Variants in A2ML1 observed in about 807,000 individuals in gnomAD.
A2ML1 encodes alpha-2-macroglobulin-like protein 1.
Under a neutral mutation model 181.9 loss-of-function variants are expected in A2ML1, and 161 were observed. That is an observed-to-expected ratio of 0.89 (90% CI 0.78 to 1.01). A2ML1 has a LOEUF of 1.01. Ranked by LOEUF, A2ML1 falls within the 50% of genes least tolerant of loss-of-function variation. A2ML1 has a pLI of 0.00. For missense variants in A2ML1, 1,670 were observed against 1,768.1 expected (o/e 0.94, Z 1.00); for synonymous variants, 663 against 666.8 (o/e 0.99, Z 0.09).
intron 4 of A2ML1, 57 bp from the exon 5 acceptor site, chr12:8,834,605 C>G: frequency 6.3e-7 from 1 of 1,599,838 alleles, no homozygotes; most frequent in East Asian, 2.2e-5. Context: ...TTTCAGCAAA[C>G]TTATTCTTAT....
At chr12:8,857,806 G>C in intron 25 of A2ML1, 140 bp from the exon 26 acceptor site, 1 of 1,275,770 alleles carries the variant, frequency 7.8e-7, no homozygotes, top group Non-Finnish European at 1.1e-6. Context: ...GCCCATTAAT[G>C]CCTCTCTTTT....
At chr12:8,843,513 G>T in intron 12 of A2ML1, 152 bp downstream of exon 12, 1 of 641,490 alleles carries the variant, frequency 1.6e-6, no homozygotes, top group Non-Finnish European at 2.5e-6. Context: ...TAAAAGAACA[G>T]TTGACATTAA....
Position 8,861,118 on chromosome 12 carries a change from TC to T in A2ML1, c.3340-16del. On this transcript the variant is annotated splice_polypyrimidine_tract_variant and intron_variant, in intron 27 of 35. Transcript: ENST00000299698. ...AGGAATGCCTTATAAGTTATAGTCTTCATCTTCACTTTTTAGGACCCAATGG... is the reference window on the plus strand; with the variant it reads ...AGGAATGCCTTATAAGTTATAGTCTTATCTTCACTTTTTAGGACCCAATGG... The T allele has an allele frequency of 6.2e-7, 1 of 1,613,980 alleles. No individual in the cohort carries two copies. The highest frequency in any genetic ancestry group is 8.5e-7 in the Non-Finnish European group (1 of 1,179,898).
At chr12:8,838,974 G>T in intron 9 of A2ML1, 139 bp from the exon 10 acceptor site, 1 of 547,508 alleles carries the variant, frequency 1.8e-6, no homozygotes, top group Admixed American at 3.6e-5. Flanking sequence ...GATTGGGGAG[G>T]TGAGGTTGGT....
chr12:8,834,719 G>C, intron 5 of A2ML1, 37 bp downstream of exon 5: 1 of 1,612,842 alleles, frequency 6.2e-7, no homozygotes, highest in East Asian at 2.2e-5. Context: ...TGTCAGTTGT[G>C]GAAGAGGAAG....
chr12:8,845,173 T>C (rs1166392525), intron 12 of A2ML1: 7 of 1,525,226 alleles, frequency 4.6e-6, no homozygotes, highest in Non-Finnish European at 6.1e-6. Flanking sequence ...CAGTTATCTA[T>C]GGTGAGGAAC....
At chr12:8,836,459 A>C in intron 7 of A2ML1, 120 bp downstream of exon 7, 1 of 707,262 alleles carries the variant, frequency 1.4e-6, no homozygotes, top group Admixed American at 2.6e-5. Flanking sequence ...TATGTAATTC[A>C]GAGTCATGGC....
intron 7 of A2ML1, 142 bp downstream of exon 7, chr12:8,836,481 CTTT>C (rs751110394): frequency 0.036 from 13,714 of 382,482 alleles, no homozygotes; most frequent in Middle Eastern, 0.046. Flanking sequence ...TATCCAAGAC[CTTT>C]TTTTTTTTTT....
intron 7 of A2ML1, among the ~76,000 whole-genome samples, chr12:8,884,257 A>T (rs1296026326): frequency 1.6e-4 from 19 of 116,128 alleles, no homozygotes; most frequent in South Asian, 5.6e-4. Context: ...TTTTTTTTTA[A>T]CTATTTTCCT....
intron 3 of A2ML1, among the ~76,000 whole-genome samples, chr12:8,825,552 CTT>C (rs1014596655): frequency 6.6e-6 from 1 of 151,954 alleles, no homozygotes; most frequent in Non-Finnish European, 1.5e-5. Context: ...TGGGTTGTCT[CTT>C]TGTTGATTGT....
chr12:8,842,434 T>C (rs965152343), intron 11 of A2ML1, among the ~76,000 whole-genome samples: 17 of 152,180 alleles, frequency 1.1e-4, no homozygotes, highest in African/African-American at 2.2e-4. Context: ...TTAGCCAGGA[T>C]GGTCTCGATC....
intron 28 of A2ML1, among the ~76,000 whole-genome samples, chr12:8,862,264 G>A (rs1426076959): frequency 1.3e-5 from 2 of 151,892 alleles, no homozygotes; most frequent in Admixed American, 6.6e-5. Context: ...GTGCAGTGGT[G>A]CAATCTTGGC....
intron 3 of A2ML1, among the ~76,000 whole-genome samples, chr12:8,825,460 T>G (rs1942900184): frequency 6.6e-6 from 1 of 152,214 alleles, no homozygotes; most frequent in African/African-American, 2.4e-5. Context: ...TGTTTTCCTA[T>G]ACAGCTGTCT....
rs760234806 is a variant in A2ML1 at position 8,841,356 on chromosome 12, C to A, written c.1081-13C>A. 6.2e-7 allele frequency: 1 copy of A among 1,612,774 alleles called. No homozygotes were observed. Among genetic ancestry groups the A allele is most frequent in the South Asian group, 1.1e-5 (1 of 90,820 alleles). On this transcript the variant is annotated splice_polypyrimidine_tract_variant and intron_variant, in intron 10 of 35. Transcript: ENST00000299698. ...AAACCTAATTCTAATCCGTAATGAT[C>A]TTTGTCCTTCAGATAAGAGTTAGGG... is the stretch of plus-strand genomic sequence containing the variant.
chr12:8,880,645 G>A (rs1044269957), downstream of A2ML1: 1 of 152,050 alleles, frequency 6.6e-6, no homozygotes, highest in East Asian at 1.9e-4. Flanking sequence ...GGAGTGGGAG[G>A]GGGAGGAGGG....
intron 6 of A2ML1, 55 bp from the exon 7 acceptor site, chr12:8,836,200 G>A: frequency 6.8e-7 from 1 of 1,462,332 alleles, no homozygotes; most frequent in African/African-American, 1.4e-5. Context: ...CTCACTGCCT[G>A]TCTGACTGAT....
intron 3 of A2ML1, among the ~76,000 whole-genome samples, chr12:8,826,816 G>C (rs762407183): frequency 6.6e-6 from 1 of 151,892 alleles, no homozygotes; most frequent in South Asian, 2.1e-4. Flanking sequence ...ATGGAGTTTC[G>C]CCATGTTGGC....
intron 33 of A2ML1, among the ~76,000 whole-genome samples, chr12:8,871,024 A>T (rs189516051): frequency 6.7e-4 from 102 of 152,200 alleles, no homozygotes; most frequent in Admixed American, 1.4e-3. Flanking sequence ...AGTCTTCCTT[A>T]TTTTTTGATG....
chr12:8,832,160 G>T (rs1320293520), intron 4 of A2ML1, among the ~76,000 whole-genome samples: 1 of 152,088 alleles, frequency 6.6e-6, no homozygotes, highest in African/African-American at 2.4e-5. Flanking sequence ...AGGTTTTCTT[G>T]CTGTTTTCCT....
Sources: gnomAD v4.1 joint callset for allele counts (sites outside exome capture counted in the v4.1 genomes callset) on GRCh38, gnomAD v4.1.1 for gene constraint, MANE v1.5 for transcripts, NCBI Gene and HGNC (gene_info 2026-07-23, HGNC 2026-07-21) for gene names.